The following LTBP2 variants were observed in gnomAD, a reference collection of about 807,000 sequenced individuals.
LTBP2 encodes the protein latent transforming growth factor beta binding protein 2.
LTBP2 carries 103 observed loss-of-function variants against 210.6 expected under a neutral mutation model. The observed-to-expected ratio is 0.49, with a 90% CI of 0.42 to 0.58. LTBP2 has a LOEUF of 0.58. Among genes scored for constraint, LTBP2 ranks in the 20% least tolerant of loss-of-function variants. LTBP2 has a pLI of 0.00. For missense variants in LTBP2, 2,313 were observed against 2,494.5 expected, an observed-to-expected ratio of 0.93 and a Z score of 1.55; for synonymous variants, 1,007 against 1,015.0, an observed-to-expected ratio of 0.99 and a Z score of 0.15.
rs568995511 is a variant in LTBP2 at position 74,521,841 on chromosome 14, A to C, written c.2788+70T>G. 4 of 1,600,830 alleles carry C rather than the reference A, an allele frequency of 2.5e-6. No individual in the cohort carries two copies. In the African/African-American group the frequency reaches 4.0e-5, roughly 16 times the overall value. The stretch of plus-strand genomic sequence containing the variant: ...TGCGGCACGGTGTTTGGGGGTGTGA[A>C]CCCCTGGTTCCTCTTCCACCCCCTC... On this transcript the variant is annotated intron_variant, in intron 17 of 35. Transcript: ENST00000261978.
chr14:74,567,786 A>G (rs2087923479), intron 3 of LTBP2, among the ~76,000 whole-genome samples: 1 of 151,882 alleles, frequency 6.6e-6, no homozygotes, highest in South Asian at 2.1e-4. Flanking sequence ...AGACTTCTCC[A>G]TGGCTTCTCC....
intron 10 of LTBP2, 21 bp downstream of exon 10, chr14:74,532,405 C>G (rs862025): frequency 6.2e-7 from 1 of 1,613,056 alleles, no homozygotes; most frequent in Non-Finnish European, 8.5e-7. Context: ...CCACCCCCAC[C>G]CCATCCCTGC....
intron 3 of LTBP2, among the ~76,000 whole-genome samples, chr14:74,564,175 TTATA>T (rs1299880856): frequency 1.1e-4 from 1 of 9,344 alleles, no homozygotes; most frequent in Non-Finnish European, 1.7e-4. Flanking sequence ...ATATATATAT[TTATA>T]TATATATTTA....
At chr14:74,596,280 A>C (rs2088362672) in intron 2 of LTBP2, among the ~76,000 whole-genome samples, 1 of 148,318 alleles carries the variant, frequency 6.7e-6, no homozygotes, top group East Asian at 1.9e-4. Context: ...AAAAACAAAG[A>C]AGTGGAGCAG....
At chr14:74,522,958 G>C in intron 15 of LTBP2, 40 bp from the exon 16 acceptor site, 1 of 1,599,446 alleles carries the variant, frequency 6.3e-7, no homozygotes, top group Non-Finnish European at 8.5e-7. Flanking sequence ...TGGCAGGGTG[G>C]GTGCTGGACA....
Position 74,503,496 on chromosome 14 carries a change from G to A in LTBP2, c.4693C>T (p.Arg1565Cys), listed in dbSNP as rs750269632. ...GTGCTGCTGGTGCTGTTCATGCAGC[G>A]CTGCTGGCTGAGGTCCAGGGTGAGC... ...PPLTLDLSQQ[R>C]CMNSTSSTED... Residue 1565 changes from arginine (R) to cysteine (C), a missense_variant, in exon 32 of 36, where the codon CGC becomes TGC. By Grantham distance (180) the Arg-to-Cys change is radical (BLOSUM62 -3). Transcript: ENST00000261978. 36 of 1,612,484 alleles carry A rather than the reference G, an allele frequency of 2.2e-5. No individual in the cohort carries two copies. The highest frequency in any genetic ancestry group is 5.5e-5 in the South Asian group (5 of 90,858).
chr14:74,510,952 C>T (rs1211185638), intron 19 of LTBP2, among the ~76,000 whole-genome samples: 2 of 152,216 alleles, frequency 1.3e-5, no homozygotes, highest in Non-Finnish European at 2.9e-5. Flanking sequence ...TCCTAAGACC[C>T]TTAGGCTCCT....
At chr14:74,564,091 ATATATATTTATATATATATT>A (rs2087839425) in intron 3 of LTBP2, among the ~76,000 whole-genome samples, 3 of 48,384 alleles carry the variant, frequency 6.2e-5, no homozygotes, top group African/African-American at 2.4e-4. Flanking sequence ...ATATATTTAT[ATATATATTTATATATATATT>A]TATATATATA....
chr14:74,578,835 C>T (rs1324739277), intron 3 of LTBP2, among the ~76,000 whole-genome samples: 1 of 152,212 alleles, frequency 6.6e-6, no homozygotes, highest in Non-Finnish European at 1.5e-5. Flanking sequence ...CCCAGCCACT[C>T]TGTTCCTGGC....
chr14:74,526,095 T>G lies in LTBP2; in HGVS notation c.2408A>C (p.His803Pro). The G allele has an allele frequency of 1.9e-6, 3 of 1,605,930 alleles. No individual in the cohort carries two copies. The South Asian group carries it at 3.4e-5, about 18-fold the overall frequency. ...QAGQVTTSVT[H>P]APAWVTGNAT... ...CTCACCTGTGACCCAGGCAGGTGCATGAGTGACACTGGTCGTGACCTGCAC... is the reference window on the plus strand; with the variant it reads ...CTCACCTGTGACCCAGGCAGGTGCAGGAGTGACACTGGTCGTGACCTGCAC... Residue 803 changes from histidine (H) to proline (P), a missense_variant, in exon 14 of 36, where the codon CAT becomes CCT. Coordinates refer to ENST00000261978, the MANE Select transcript of LTBP2 (RefSeq NM_000428.3).
In LTBP2 at chr14:74,500,912, C is replaced by T. The variant is rs189405285; in HGVS notation, c.5438G>A (p.Gly1813Glu). The T allele has an allele frequency of 3.1e-6, 5 of 1,614,138 alleles. No homozygotes were observed. In the Admixed American group the frequency reaches 6.7e-5, roughly 22 times the overall value. The change falls in exon 36 of 36, where the codon GGG becomes GAG. Residue 1813 changes from glycine (G) to glutamate (E), a missense_variant. Physicochemically the swap from Gly to Glu is moderately conservative, Grantham distance 98 (BLOSUM62 -2). Around this residue, in one of 3 missense-constraint regions of LTBP2, gnomAD observed 443 missense variants for 501.4 expected, o/e 0.88. Coordinates refer to ENST00000261978, the MANE Select transcript of LTBP2 (RefSeq NM_000428.3). ...HCSPGYVAEA[G>E]PPHCTAKE The stretch of plus-strand genomic sequence containing the variant: ...CTCCTTGGCAGTGCAGTGGGGGGGC[C>T]CTGCCTCAGCCACATATCCCGGGGA...
chr14:74,609,606 G>A (rs2088576712), intron 1 of LTBP2, among the ~76,000 whole-genome samples: 2 of 152,040 alleles, frequency 1.3e-5, no homozygotes, highest in South Asian at 4.2e-4. Flanking sequence ...TGCTACATCT[G>A]CACACCACCC....
intron 8 of LTBP2, among the ~76,000 whole-genome samples, chr14:74,548,522 G>A (rs1001252344): frequency 4.6e-5 from 7 of 152,058 alleles, no homozygotes; most frequent in African/African-American, 1.7e-4. Flanking sequence ...TTAGAATGTG[G>A]GATATAGAAG....
In LTBP2 at chr14:74,503,310, C is replaced by T. The variant is rs750723958; in HGVS notation, c.4797G>A (p.Leu1599=). The T allele has an allele frequency of 5.6e-6, 9 of 1,613,918 alleles. No individual in the cohort carries two copies. In the Admixed American group the frequency reaches 8.3e-5, roughly 15 times the overall value. Residue 1599 remains leucine, a synonymous_variant, in exon 33 of 36, where the codon CTG becomes CTA. Transcript: ENST00000261978. ...KVTNDVCSEP[L]RGHRTTYTEC... ...CCGTGTAGGTGGTGCGGTGCCCACG[C>T]AGGGGTTCGCTGCACACATCATTGG... is the stretch of plus-strand genomic sequence containing the variant.
chr14:74,508,766 G>T (rs2087026835), intron 23 of LTBP2, 37 bp from the exon 24 acceptor site: 3 of 1,613,240 alleles, frequency 1.9e-6, no homozygotes, highest in African/African-American at 1.3e-5. Context: ...GTCTGCTGGG[G>T]ATGTGCCTGC....
intron 8 of LTBP2, among the ~76,000 whole-genome samples, chr14:74,542,327 G>T (rs909282502): frequency 6.6e-6 from 1 of 152,164 alleles, no homozygotes; most frequent in African/African-American, 2.4e-5. Context: ...TCTCCCCCTC[G>T]GCTGCTGGGA....
At chr14:74,595,289 T>C (rs1595298779) in intron 2 of LTBP2, among the ~76,000 whole-genome samples, 2 of 152,270 alleles carry the variant, frequency 1.3e-5, no homozygotes, top group East Asian at 3.9e-4. Context: ...GGCCAGGGGC[T>C]GGGGCAGAGA....
At chr14:74,605,728 C>T (rs1327710102) in intron 1 of LTBP2, among the ~76,000 whole-genome samples, 1 of 152,204 alleles carries the variant, frequency 6.6e-6, no homozygotes, top group African/African-American at 2.4e-5. Context: ...CCCCCTGAGC[C>T]AGCCGTCACC....
intron 30 of LTBP2, among the ~76,000 whole-genome samples, chr14:74,504,328 C>T (rs917634548): frequency 3.9e-5 from 6 of 152,226 alleles, no homozygotes; most frequent in African/African-American, 1.4e-4. Context: ...CCATCATTTC[C>T]TTCTCAAGAC....
Sources: allele counts gnomAD v4.1 joint callset (sites outside exome capture counted in the v4.1 genomes callset), GRCh38; gene constraint gnomAD v4.1.1; regional missense constraint gnomAD v4.1.1; transcripts MANE v1.5; gene names NCBI Gene and HGNC (gene_info 2026-07-23, HGNC 2026-07-21).